Variants in RTKN2 observed in about 807,000 individuals in gnomAD.
The protein encoded by RTKN2 is rhotekin 2.
RTKN2 carries 69 observed loss-of-function variants against 71.5 expected under a neutral mutation model. The observed-to-expected ratio is 0.96, with a 90% CI of 0.79 to 1.18. RTKN2 has a LOEUF of 1.18. Among genes scored for constraint, RTKN2 ranks in the 50% most tolerant of loss-of-function variants. The pLI, the probability that RTKN2 is intolerant of heterozygous loss-of-function variation, is 0.00. For synonymous variants in RTKN2, 236 were observed against 236.5 expected (o/e 1.00, Z 0.02); for missense variants, 724 against 719.7 (o/e 1.01, Z -0.07).
At chr10:62,226,274 CCTTT>C (rs1407931547) in intron 6 of RTKN2, among the ~76,000 whole-genome samples, 5 of 152,136 alleles carry the variant, frequency 3.3e-5, no homozygotes, top group Non-Finnish European at 2.9e-5. Context: ...TCATAAACCT[CCTTT>C]GTTTCTTACT....
intron 9 of RTKN2, among the ~76,000 whole-genome samples, chr10:62,213,729 A>T (rs74156129): frequency 2.0e-3 from 310 of 152,282 alleles, no homozygotes; most frequent in African/African-American, 7.0e-3. Flanking sequence ...TATAGATTTA[A>T]TCAAAGAGAT....
intron 2 of RTKN2, chr10:62,259,342 A>G (rs761404851): frequency 6.3e-5 from 16 of 254,120 alleles, no homozygotes; most frequent in Non-Finnish European, 1.2e-4. Context: ...ATCTTTCTCC[A>G]TTTTTAATGT....
At chr10:62,262,889 G>T in intron 1 of RTKN2, 68 bp from the exon 2 acceptor site, 2 of 914,986 alleles carry the variant, frequency 2.2e-6, no homozygotes, top group South Asian at 1.8e-5. Context: ...ATAATAGATC[G>T]AAAATAGGTA....
chr10:62,238,604 A>T (rs1049642047), intron 5 of RTKN2: 1 of 152,012 alleles, frequency 6.6e-6, no homozygotes. Flanking sequence ...TCAATTATAT[A>T]AGCATTTGGG....
chr10:62,194,218 T>C lies in RTKN2; in HGVS notation c.*3690A>G. ...TAATATATTTTCAAATGATGACTTG[T>C]CTTTTAAAAACCCAAAGGTAACATC... is the stretch of plus-strand genomic sequence containing the variant. On this transcript the variant is annotated 3_prime_UTR_variant, in exon 12 of 12. Transcript: ENST00000373789. 1.0e-6 allele frequency: 1 copy of C among 984,936 alleles called. No individual in the cohort carries two copies. Among genetic ancestry groups the C allele is most frequent in the South Asian group, 4.7e-5 (1 of 21,282 alleles). 61.0% of individuals were successfully genotyped at this position (984,936 alleles called of 1,614,324 possible). A position where few individuals can be genotyped will look rare whatever the true frequency, so the allele number is the denominator to read the frequency against.
At chr10:62,203,459 C>G (rs997873546) in intron 10 of RTKN2, among the ~76,000 whole-genome samples, 34 of 151,886 alleles carry the variant, frequency 2.2e-4, no homozygotes, top group Admixed American at 1.5e-3. Context: ...ATTCTCCTGC[C>G]TCAGCCTCCC....
intron 8 of RTKN2, among the ~76,000 whole-genome samples, chr10:62,186,281 A>G (rs996314140): frequency 6.6e-6 from 1 of 152,218 alleles, no homozygotes; most frequent in African/African-American, 2.4e-5. Flanking sequence ...TACTTAATGC[A>G]TTCAGAGAGT....
intron 1 of RTKN2, among the ~76,000 whole-genome samples, chr10:62,263,684 T>C (rs558779178): frequency 1.3e-5 from 2 of 152,124 alleles, no homozygotes; most frequent in African/African-American, 2.4e-5. Flanking sequence ...TTTGTAACAG[T>C]AGGCAGTGTA....
At chr10:62,266,876 CACA>C (rs1337729957) in intron 1 of RTKN2, among the ~76,000 whole-genome samples, 1 of 152,170 alleles carries the variant, frequency 6.6e-6, no homozygotes, top group Non-Finnish European at 1.5e-5. Flanking sequence ...TTCAAGGTTG[CACA>C]ACAAGAAGAG....
intron 1 of RTKN2, among the ~76,000 whole-genome samples, chr10:62,265,967 C>T (rs527237604): frequency 6.6e-6 from 1 of 152,266 alleles, no homozygotes; most frequent in Admixed American, 6.5e-5. Context: ...AAGACAAAAG[C>T]TGGTCTCTCT....
At chr10:62,261,099 T>C (rs915233851) in intron 2 of RTKN2, among the ~76,000 whole-genome samples, 2 of 152,226 alleles carry the variant, frequency 1.3e-5, no homozygotes, top group Non-Finnish European at 2.9e-5. Context: ...TGCTACAAGT[T>C]ACCAACTTTG....
intron 8 of RTKN2, 81 bp from the exon 9 acceptor site, chr10:62,217,330 G>A (rs1841795564): frequency 1.0e-6 from 1 of 957,310 alleles, no homozygotes; most frequent in South Asian, 2.6e-5. Context: ...ACTTATCAAG[G>A]TTAAATTAGT....
chr10:62,206,391 T>C (rs34003511), intron 9 of RTKN2, among the ~76,000 whole-genome samples: 13,287 of 152,186 alleles, frequency 0.087, 777 homozygotes, highest in South Asian at 0.25. Context: ...ATGTAGTCAT[T>C]ACAGAAGTAG....
intron 10 of RTKN2, among the ~76,000 whole-genome samples, chr10:62,201,925 T>C (rs1355569342): frequency 6.6e-6 from 1 of 152,218 alleles, no homozygotes; most frequent in East Asian, 1.9e-4. Context: ...AATGGGTATG[T>C]TTTGTTCACA....
chr10:62,199,422 C>T (rs896516407), intron 11 of RTKN2, among the ~76,000 whole-genome samples: 1 of 152,112 alleles, frequency 6.6e-6, no homozygotes, highest in African/African-American at 2.4e-5. Context: ...AATTACTGAA[C>T]ATGATTACAT....
At chr10:62,204,520 C>T (rs983255164) in intron 10 of RTKN2, among the ~76,000 whole-genome samples, 7 of 152,064 alleles carry the variant, frequency 4.6e-5, no homozygotes, top group African/African-American at 1.4e-4. Context: ...GTTTTTTGTT[C>T]CTCAAATGGC....
At chr10:62,266,658 G>T (rs1589392011) in intron 1 of RTKN2, among the ~76,000 whole-genome samples, 1 of 152,174 alleles carries the variant, frequency 6.6e-6, no homozygotes, top group Non-Finnish European at 1.5e-5. Context: ...TTAAACATTT[G>T]TAAGAAAAGT....
intron 1 of RTKN2, among the ~76,000 whole-genome samples, chr10:62,263,932 T>G (rs970022783): frequency 4.6e-5 from 7 of 152,200 alleles, no homozygotes; most frequent in African/African-American, 1.4e-4. Context: ...TTCTACAAAC[T>G]GAATGTACAG....
rs180752282 is a variant in RTKN2 at position 62,236,597 on chromosome 10, A to G, written c.489-334T>C. ...CTTCTGGGTTTATACTGGAAGGAGT[A>G]AAATCATTACCTTGTGAAGTTATCT... On this transcript the variant is annotated intron_variant, in intron 5 of 11. Coordinates refer to ENST00000373789, the MANE Select transcript of RTKN2 (RefSeq NM_145307.4). Among the ~76,000 whole-genome samples, 10 of 152,182 alleles carry G rather than the reference A, an allele frequency of 6.6e-5. 1 individual carries two copies. The highest frequency in any genetic ancestry group is 5.9e-4 in the Admixed American group (9 of 15,258).
Sources: gnomAD v4.1 joint callset for allele counts (sites outside exome capture counted in the v4.1 genomes callset) on GRCh38, gnomAD v4.1.1 for gene constraint, MANE v1.5 for transcripts, NCBI Gene and HGNC (gene_info 2026-07-23, HGNC 2026-07-21) for gene names.